KHDC1: variants seen among roughly 807,000 people sequenced by gnomAD.
KHDC1 encodes the protein KH homology domain-containing protein 1.
A neutral mutation model predicts 24.7 loss-of-function variants in KHDC1; 21 were observed. The ratio of observed to expected loss-of-function variants is 0.85; its 90% CI spans 0.60 to 1.23. The LOEUF (loss-of-function observed/expected upper bound fraction) is 1.23. KHDC1 is among the 50% of genes most tolerant of loss of function. KHDC1 has a pLI of 0.00. For missense variants in KHDC1, 274 were observed against 298.5 expected, an observed-to-expected ratio of 0.92 and a Z score of 0.61; for synonymous variants, 98 against 111.7, an observed-to-expected ratio of 0.88 and a Z score of 0.77.
At chr6:73,299,657 A>T (rs765692363) in intron 1 of KHDC1, 1 of 152,740 alleles carries the variant, frequency 6.5e-6, no homozygotes, top group Non-Finnish European at 1.5e-5. Context: ...TCGGGATTGC[A>T]CGCCTAGCTC....
intron 2 of KHDC1, among the ~76,000 whole-genome samples, chr6:73,281,444 C>T (rs1767407364): frequency 6.6e-6 from 1 of 151,614 alleles, no homozygotes; most frequent in African/African-American, 2.4e-5. Context: ...GGTGAAACTC[C>T]GTCTCTACTT....
At chr6:73,285,731 C>T (rs34977156) in intron 2 of KHDC1, among the ~76,000 whole-genome samples, 11,919 of 151,264 alleles carry the variant, frequency 0.079, 508 homozygotes, top group East Asian at 0.13. Flanking sequence ...TATACATGTG[C>T]CATGCTGGTG....
intron 2 of KHDC1, among the ~76,000 whole-genome samples, chr6:73,284,976 C>T (rs890595567): frequency 1.3e-5 from 2 of 151,986 alleles, no homozygotes; most frequent in African/African-American, 4.8e-5. Flanking sequence ...TCCCAAGTAG[C>T]TAGGATTACT....
At chr6:73,270,334 G>C (rs1767157121) in intron 2 of KHDC1, 1 of 152,042 alleles carries the variant, frequency 6.6e-6, no homozygotes, top group Non-Finnish European at 1.5e-5. Flanking sequence ...CCTTTTTCAT[G>C]CCTGTTTTTT....
At chr6:73,246,206 C>T (rs978640794) in intron 2 of KHDC1, among the ~76,000 whole-genome samples, 1 of 152,040 alleles carries the variant, frequency 6.6e-6, no homozygotes, top group Non-Finnish European at 1.5e-5. Context: ...TTTAAGCAGG[C>T]GCCTCCACCA....
At chr6:73,306,466 A>G (rs1767964485) in intron 1 of KHDC1, among the ~76,000 whole-genome samples, 1 of 152,076 alleles carries the variant, frequency 6.6e-6, no homozygotes, top group Non-Finnish European at 1.5e-5. Context: ...AACATATTCC[A>G]CATGCATCCC....
intron 2 of KHDC1, among the ~76,000 whole-genome samples, chr6:73,267,060 T>C (rs1767086523): frequency 6.6e-6 from 1 of 151,994 alleles, no homozygotes; most frequent in South Asian, 2.1e-4. Context: ...AATAGACATT[T>C]CTCCAAAGAC....
chr6:73,263,247 A>C (rs1283532949), intron 2 of KHDC1, 51 bp from the exon 1 acceptor site: 1 of 986,284 alleles, frequency 1.0e-6, no homozygotes, highest in African/African-American at 1.7e-5. Flanking sequence ...AGCAACCCAG[A>C]GCCCTCCTCC....
intron 1 of KHDC1, among the ~76,000 whole-genome samples, chr6:73,297,887 C>T (rs542631348): frequency 1.3e-5 from 2 of 152,192 alleles, no homozygotes; most frequent in South Asian, 4.2e-4. Context: ...TTGGCTCAAA[C>T]CTGCACTGAA....
chr6:73,293,605 C>G (rs181944406), intron 1 of KHDC1, among the ~76,000 whole-genome samples: 69 of 152,144 alleles, frequency 4.5e-4, no homozygotes, highest in African/African-American at 1.7e-3. Context: ...CATGGCAAAA[C>G]CCCATCTCTA....
intron 2 of KHDC1, among the ~76,000 whole-genome samples, chr6:73,288,576 A>T (rs374918480): frequency 2.6e-5 from 4 of 152,178 alleles, no homozygotes; most frequent in African/African-American, 7.2e-5. Context: ...AGCTGAGATC[A>T]TGCCACTGCA....
chr6:73,298,628 G>T (rs912230310), intron 1 of KHDC1, among the ~76,000 whole-genome samples: 1 of 151,396 alleles, frequency 6.6e-6, no homozygotes, highest in Non-Finnish European at 1.5e-5. Context: ...TACAGACGGG[G>T]TTTCACCATG....
chr6:73,261,843 T>C (rs140087619), intron 2 of KHDC1, among the ~76,000 whole-genome samples: 277 of 148,716 alleles, frequency 1.9e-3, no homozygotes, highest in African/African-American at 6.5e-3. Context: ...ACCCGGGAGA[T>C]AGAGGTTGCA....
At chr6:73,291,192 C>A in intron 2 of KHDC1, 1 of 475,800 alleles carries the variant, frequency 2.1e-6, no homozygotes, top group Non-Finnish European at 4.2e-6. Context: ...AGCACTTAGC[C>A]TACCATGAAT....
At chr6:73,296,964 G>A (rs768226390) in intron 1 of KHDC1, among the ~76,000 whole-genome samples, 13 of 152,104 alleles carry the variant, frequency 8.5e-5, no homozygotes, top group African/African-American at 1.7e-4. Flanking sequence ...GCGGCAGTGC[G>A]ATCTCAGCTC....
At chr6:73,290,332 G>T (rs1767623169) in intron 2 of KHDC1, 1 of 187,064 alleles carries the variant, frequency 5.3e-6, no homozygotes, top group African/African-American at 2.4e-5. Flanking sequence ...ACCCAGAGAG[G>T]GGTCCATACA....
chr6:73,280,781 A>T (rs1767389449), intron 2 of KHDC1, among the ~76,000 whole-genome samples: 1 of 151,834 alleles, frequency 6.6e-6, no homozygotes, highest in African/African-American at 2.4e-5. Context: ...TGGCCTCCCA[A>T]AGTGCTGGGA....
chr6:73,252,765 T>C (rs1299432930), intron 2 of KHDC1, among the ~76,000 whole-genome samples: 16 of 151,410 alleles, frequency 1.1e-4, no homozygotes, highest in African/African-American at 3.9e-4. Flanking sequence ...TGCAGTGAGC[T>C]GAGATCGTGC....
chr6:73,272,858 TTTTC>T (rs1334383288), intron 2 of KHDC1, among the ~76,000 whole-genome samples: 22 of 139,976 alleles, frequency 1.6e-4, no homozygotes, highest in African/African-American at 5.9e-4. Flanking sequence ...TTTCTTTTCT[TTTTC>T]TTTTTTTTTT....
Sources: gnomAD v4.1 joint callset for allele counts (sites outside exome capture counted in the v4.1 genomes callset) on GRCh38, gnomAD v4.1.1 for gene constraint, MANE v1.5 for transcripts, NCBI Gene and HGNC (gene_info 2026-07-23, HGNC 2026-07-21) for gene names.